RASA3: variants seen among roughly 807,000 people sequenced by gnomAD.
RASA3 encodes the protein RAS p21 protein activator 3.
RASA3 carries 73 observed loss-of-function variants against 110.0 expected under a neutral mutation model. The observed-to-expected ratio is 0.66, with a 90% confidence interval of 0.55 to 0.81. RASA3 has a LOEUF of 0.81. Ranked by LOEUF, RASA3 falls within the 30% of genes least tolerant of loss-of-function variation. The probability of loss-of-function intolerance (pLI) is 0.00; values close to 1 mark genes in which losing one functional copy is unlikely to be tolerated. For synonymous variants in RASA3, 500 were observed against 451.4 expected (o/e 1.11, Z -1.37); for missense variants, 976 against 1,113.2 (o/e 0.88, Z 1.75).
At chr13:114,068,475 C>T (rs2139648120) in intron 2 of RASA3, among the ~76,000 whole-genome samples, 1 of 152,378 alleles carries the variant, frequency 6.6e-6, no homozygotes, top group Non-Finnish European at 1.5e-5. Flanking sequence ...AATGACTGGA[C>T]TAACCCAGCA....
chr13:114,100,076 G>A (rs1398623617), intron 1 of RASA3, among the ~76,000 whole-genome samples: 1 of 150,768 alleles, frequency 6.6e-6, no homozygotes, highest in Admixed American at 6.6e-5. Flanking sequence ...CTCTGGAAGA[G>A]CGGCAGGCCA....
intron 8 of RASA3, among the ~76,000 whole-genome samples, chr13:114,023,284 A>G (rs1328451617): frequency 2.0e-5 from 3 of 148,550 alleles, no homozygotes; most frequent in African/African-American, 5.0e-5. Context: ...GGCTCGGGGA[A>G]CATCCCAGGC....
chr13:114,015,099 C>A, intron 14 of RASA3, 110 bp downstream of exon 14: 1 of 1,433,090 alleles, frequency 7.0e-7, no homozygotes, highest in Non-Finnish European at 9.5e-7. Flanking sequence ...GGTTCACGAC[C>A]CCGCAGTTCT....
rs78064395 is a variant in RASA3 at position 114,071,517 on chromosome 13, G to A, written c.173+2203C>T. ...AACACAGAATGGACTTTTATCCAGG[G>A]AAGCTCCAAAGGCACTTCTGAAGGG... On this transcript the variant is annotated intron_variant, in intron 2 of 23. Transcript: ENST00000334062. Among the ~76,000 whole-genome samples the A allele has an allele frequency of 4.5e-4, 69 of 152,270 alleles. 1 individual carries two copies. In the East Asian group the frequency reaches 0.013, roughly 28 times the overall value.
At chr13:114,000,275 C>T (rs898839144) in intron 19 of RASA3, among the ~76,000 whole-genome samples, 2 of 151,770 alleles carry the variant, frequency 1.3e-5, no homozygotes, top group Non-Finnish European at 2.9e-5. Context: ...GCTGCAGGTG[C>T]GGGGGCTGAG....
At chr13:114,081,777 G>A (rs552104755) in intron 1 of RASA3, among the ~76,000 whole-genome samples, 1 of 152,288 alleles carries the variant, frequency 6.6e-6, no homozygotes, top group Admixed American at 6.5e-5. Flanking sequence ...GCAAAGGTGG[G>A]CTGAAATGAA....
intron 11 of RASA3, 127 bp from the exon 12 acceptor site, chr13:114,017,478 G>A: frequency 1.3e-6 from 1 of 760,020 alleles, no homozygotes; most frequent in South Asian, 1.5e-5. Flanking sequence ...TCGGCTTCCT[G>A]ACATTTTACA....
Position 114,036,725 on chromosome 13 carries a change from C to T in RASA3, c.372+4275G>A, listed in dbSNP as rs542298063. Among the ~76,000 whole-genome samples, 12 of 152,232 alleles carry T rather than the reference C, an allele frequency of 7.9e-5. No homozygotes were observed. The South Asian group carries it at 1.9e-3, about 24-fold the overall frequency. ...GCTAATTTTGTATTTTCAGTAGAGA[C>T]GGGGTTTCACCATGTTGGTCAGGCT... On this transcript the variant is annotated intron_variant, in intron 4 of 23. Coordinates refer to ENST00000334062, the MANE Select transcript of RASA3 (RefSeq NM_007368.4).
intron 1 of RASA3, among the ~76,000 whole-genome samples, chr13:114,123,663 C>T (rs1002806683): frequency 2.0e-5 from 3 of 152,212 alleles, no homozygotes; most frequent in Non-Finnish European, 4.4e-5. Flanking sequence ...GCACGCCATG[C>T]GCACCAGGCA....
chr13:114,040,933 C>A (rs2054391659), intron 4 of RASA3, 67 bp downstream of exon 4: 1 of 1,466,420 alleles, frequency 6.8e-7, no homozygotes, highest in Non-Finnish European at 9.5e-7. Context: ...CAGTCGGAGC[C>A]GGGCCCGTCT....
chr13:114,045,868 T>C (rs2079044465), intron 3 of RASA3, among the ~76,000 whole-genome samples: 1 of 152,226 alleles, frequency 6.6e-6, no homozygotes, highest in Admixed American at 6.5e-5. Context: ...AATAAATGTT[T>C]TTAAATGTGC....
Position 114,105,210 on chromosome 13 carries a change from G to C in RASA3, c.55+27225C>G, listed in dbSNP as rs991211819. Among the ~76,000 whole-genome samples, 3 of 152,190 alleles carry C rather than the reference G, an allele frequency of 2.0e-5. No homozygotes were observed. The South Asian group carries it at 6.2e-4, about 32-fold the overall frequency. ...CAGGAGGAGGGCAGGTCCGGGACTG[G>C]GAGGACGACCCCCACGCAAGCCCCC... On this transcript the variant is annotated intron_variant, in intron 1 of 23. Transcript: ENST00000334062.
chr13:114,122,648 G>A (rs985667782), intron 1 of RASA3, among the ~76,000 whole-genome samples: 2 of 151,940 alleles, frequency 1.3e-5, no homozygotes, highest in Non-Finnish European at 2.9e-5. Context: ...CCCATTGGAG[G>A]GAAATGTTCT....
chr13:113,995,256 G>C (rs1356700237), intron 21 of RASA3, among the ~76,000 whole-genome samples: 1 of 152,270 alleles, frequency 6.6e-6, no homozygotes, highest in Non-Finnish European at 1.5e-5. Flanking sequence ...CCGCTGTCCT[G>C]GGATGCGAGG....
chr13:114,013,873 T>C lies in RASA3; in HGVS notation c.1406-625A>G, dbSNP rs2053715908. Among the ~76,000 whole-genome samples, 2 of 92,136 alleles carry C rather than the reference T, an allele frequency of 2.2e-5. 1 individual carries two copies. Among genetic ancestry groups the C allele is most frequent in the African/African-American group, 1.0e-4 (2 of 19,488 alleles). The allele number at this position is 92,136 out of a possible 152,430, so 60.4% of individuals were successfully genotyped here. On this transcript the variant is annotated intron_variant, in intron 14 of 23. Transcript: ENST00000334062. ...CTCTCTGTCTCTCTCCCTGTCTCTC[T>C]CCCTATCTCTGTCTCTCTCTTTTTC... is the stretch of plus-strand genomic sequence containing the variant.
chr13:114,060,125 G>A (rs948758809), intron 2 of RASA3, among the ~76,000 whole-genome samples: 3 of 152,214 alleles, frequency 2.0e-5, no homozygotes, highest in African/African-American at 7.2e-5. Context: ...CACCAGGTGC[G>A]AAGGCCTCGA....
intron 2 of RASA3, among the ~76,000 whole-genome samples, chr13:114,068,315 C>G (rs2079490564): frequency 6.6e-6 from 1 of 152,242 alleles, no homozygotes; most frequent in South Asian, 2.1e-4. Flanking sequence ...GAGGCAGAGC[C>G]TCCCTGAGCC....
chr13:114,064,097 A>C (rs2079406355), intron 2 of RASA3, among the ~76,000 whole-genome samples: 1 of 152,138 alleles, frequency 6.6e-6, no homozygotes, highest in South Asian at 2.1e-4. Flanking sequence ...TTTTTGAACT[A>C]AAAAAACCCC....
chr13:114,073,630 G>T, intron 2 of RASA3, 90 bp downstream of exon 2: 1 of 1,076,722 alleles, frequency 9.3e-7, no homozygotes, highest in South Asian at 1.3e-5. Flanking sequence ...CTCCACACAT[G>T]GGAAAATGGG....
Sources: gnomAD v4.1 joint callset for allele counts (sites outside exome capture counted in the v4.1 genomes callset) on GRCh38, gnomAD v4.1.1 for gene constraint, MANE v1.5 for transcripts, NCBI Gene and HGNC (gene_info 2026-07-23, HGNC 2026-07-21) for gene names.